The following NIPA1 variants were observed in gnomAD, a reference collection of about 807,000 sequenced individuals.
NIPA1 encodes NIPA magnesium transporter 1.
In NIPA1, 13 loss-of-function variants were observed where a neutral mutation model predicts 23.9. That is an observed-to-expected ratio of 0.54 (90% CI 0.35 to 0.87). The LOEUF (loss-of-function observed/expected upper bound fraction) is 0.87, where lower values mean the gene tolerates loss of function less well. NIPA1 is among the 40% of genes least tolerant of loss of function. The probability of loss-of-function intolerance (pLI) is 0.01; values close to 1 mark genes in which losing one functional copy is unlikely to be tolerated. For missense variants in NIPA1, 362 were observed against 429.7 expected (o/e 0.84, Z 1.39); for synonymous variants, 234 against 202.9 (o/e 1.15, Z -1.30).
intron 2 of NIPA1, 104 bp from the exon 3 acceptor site, chr15:22,812,059 A>G (rs1379868966): frequency 1.1e-6 from 1 of 877,066 alleles, no homozygotes; most frequent in Non-Finnish European, 1.9e-6. Flanking sequence ...AGTAATGTGA[A>G]TGAAGTAGCC....
At chr15:22,799,358 A>G (rs1038664388) in intron 1 of NIPA1, among the ~76,000 whole-genome samples, 2 of 152,196 alleles carry the variant, frequency 1.3e-5, no homozygotes, top group African/African-American at 2.4e-5. Context: ...TGTGGGAGCT[A>G]AACACATAGA....
Position 22,804,224 on chromosome 15 carries a change from C to T in NIPA1, c.179-6525C>T, listed in dbSNP as rs530440256. On this transcript the variant is annotated intron_variant, in intron 1 of 4. Transcript: ENST00000337435. The stretch of plus-strand genomic sequence containing the variant: ...AACCCCTGACCCCAGGTGATTCACC[C>T]ACCTCAGCCTCCCAAAGTGCAAGGA... 8.2e-4 allele frequency among the ~76,000 whole-genome samples: 125 copies of T among 152,162 alleles called. 1 individual carries two copies. The highest frequency in any genetic ancestry group is 1.8e-3 in the Admixed American group (28 of 15,268).
At chr15:22,799,585 A>G (rs896936429) in intron 1 of NIPA1, among the ~76,000 whole-genome samples, 1 of 152,040 alleles carries the variant, frequency 6.6e-6, no homozygotes, top group Non-Finnish European at 1.5e-5. Flanking sequence ...GATCGAGACC[A>G]TCCTGGCTAA....
At chr15:22,813,648 C>T (rs974372068) in intron 3 of NIPA1, 1 of 455,852 alleles carries the variant, frequency 2.2e-6, no homozygotes, top group Non-Finnish European at 4.4e-6. Context: ...TGCCCAAATC[C>T]TTGCAGAGAA....
At chr15:22,823,399 A>G (rs1197567850) in intron 4 of NIPA1, among the ~76,000 whole-genome samples, 4 of 151,734 alleles carry the variant, frequency 2.6e-5, no homozygotes, top group Non-Finnish European at 4.4e-5. Context: ...ACGGGGTTTC[A>G]CCATCTTGGC....
intron 3 of NIPA1, among the ~76,000 whole-genome samples, chr15:22,818,030 G>A (rs62001109): frequency 3.9e-5 from 6 of 152,050 alleles, no homozygotes; most frequent in African/African-American, 9.7e-5. Flanking sequence ...AGATAAATTC[G>A]ATGTCATCAA....
At chr15:22,818,017 A>T (rs563535811) in intron 3 of NIPA1, among the ~76,000 whole-genome samples, 1 of 152,116 alleles carries the variant, frequency 6.6e-6, no homozygotes, top group Non-Finnish European at 1.5e-5. Context: ...ACAGAAGGAA[A>T]ATAGATAAAT....
At position 22,823,906 on chromosome 15, in the gene NIPA1, C is replaced by T. The variant is rs1895596389; in HGVS notation, c.657C>T (p.Asn219=). 1.2e-6 allele frequency: 2 copies of T among 1,614,096 alleles called. No homozygotes were observed. The highest frequency in any genetic ancestry group is 1.7e-5 in the Admixed American group (1 of 60,014). Reference sequence around the variant, plus strand: ...TGGCGGCCCAAGACATCTTGCATAACAACCCGTCCAGTCAGAGAGCCCTCT... The same window carrying T: ...TGGCGGCCCAAGACATCTTGCATAATAACCCGTCCAGTCAGAGAGCCCTCT... ...IGLAAQDILH[N]NPSSQRALCL... is the part of the protein sequence containing the mutation. Residue 219 remains asparagine (N), a synonymous_variant, in exon 5 of 5, where the codon AAC becomes AAT. Transcript: ENST00000337435.
chr15:22,826,087 G>A lies in NIPA1; in HGVS notation c.*1848G>A, dbSNP rs1001325542. The A allele has an allele frequency of 2.0e-5, 3 of 151,112 alleles. No homozygotes were observed. Among genetic ancestry groups the A allele is most frequent in the African/African-American group, 7.3e-5 (3 of 41,064 alleles). 9.4% of individuals were successfully genotyped at this position (151,112 alleles called of 1,614,324 possible). A position where few individuals can be genotyped will look rare whatever the true frequency, so the allele number is the denominator to read the frequency against. ...AAAGTTCCTCAGTAAGAAAAAAAAT[G>A]TGTTTTTGTAGGCAAAAAGAACATT... On this transcript the variant is annotated 3_prime_UTR_variant, in exon 5 of 5. Coordinates refer to ENST00000337435, the MANE Select transcript of NIPA1 (RefSeq NM_144599.5).
chr15:22,789,288 C>CCT (rs1894780658), intron 1 of NIPA1, among the ~76,000 whole-genome samples: 1 of 152,098 alleles, frequency 6.6e-6, no homozygotes, highest in Non-Finnish European at 1.5e-5. Context: ...CAACACTCGG[C>CCT]CTATATTATG....
At chr15:22,798,303 G>C (rs1369128274) in intron 1 of NIPA1, among the ~76,000 whole-genome samples, 1 of 143,160 alleles carries the variant, frequency 7.0e-6, no homozygotes, top group African/African-American at 2.6e-5. Flanking sequence ...GCAGTGGCGC[G>C]ATCTCAGCTC....
upstream of NIPA1, chr15:22,786,346 C>G (rs1485492730): frequency 6.5e-6 from 1 of 152,950 alleles, no homozygotes; most frequent in African/African-American, 2.4e-5. Context: ...GAGGACACCA[C>G]TCAGAAAGTA....
chr15:22,822,360 G>T (rs1895555988), intron 4 of NIPA1, among the ~76,000 whole-genome samples: 1 of 152,078 alleles, frequency 6.6e-6, no homozygotes, highest in African/African-American at 2.4e-5. Context: ...GGGGGTGGGG[G>T]TTGCTGTCTG....
rs191933960 is a variant in NIPA1 at position 22,822,724 on chromosome 15, G to A, written c.479-1004G>A. ...CTTATGTATTCCCAGCTACTCAGGA[G>A]GCTGAAGCAGGAGAATCGCTTGAAC... On this transcript the variant is annotated intron_variant, in intron 4 of 4. Transcript: ENST00000337435. 2.6e-3 allele frequency among the ~76,000 whole-genome samples: 393 copies of A among 151,954 alleles called. 7 individuals are homozygous for A. The highest frequency in any genetic ancestry group is 0.024 in the Admixed American group (360 of 15,262).
chr15:22,802,820 G>A (rs1463282117), intron 1 of NIPA1, among the ~76,000 whole-genome samples: 7 of 145,586 alleles, frequency 4.8e-5, no homozygotes, highest in South Asian at 4.3e-4. Context: ...ATTCTCTTAC[G>A]TCTGCTTTTG....
intron 1 of NIPA1, among the ~76,000 whole-genome samples, chr15:22,800,224 C>T (rs1293899389): frequency 6.6e-6 from 1 of 152,066 alleles, no homozygotes; most frequent in African/African-American, 2.4e-5. Context: ...TACCCCAGTG[C>T]CAACCCCACC....
rs575228704 is a variant in NIPA1, at chr15:22,827,777, C to T, written c.*3538C>T. 2 of 152,218 alleles carry T rather than the reference C, an allele frequency of 1.3e-5. No individual in the cohort carries two copies. The highest frequency in any genetic ancestry group is 6.5e-5 in the Admixed American group (1 of 15,288). 9.4% of individuals were successfully genotyped at this position (152,218 alleles called of 1,614,324 possible). ...TCTTTGTAAATGTTGTGCTCAACTT[C>T]TAGGGGCCAGTTCTAGACTTTGGAG... On this transcript the variant is annotated 3_prime_UTR_variant, in exon 5 of 5. Coordinates refer to ENST00000337435, the MANE Select transcript of NIPA1 (RefSeq NM_144599.5).
At chr15:22,796,971 A>C (rs555980542) in intron 1 of NIPA1, among the ~76,000 whole-genome samples, 9 of 152,248 alleles carry the variant, frequency 5.9e-5, no homozygotes, top group Admixed American at 5.9e-4. Context: ...GAAAGTACAG[A>C]AAATGGTGGT....
chr15:22,810,883 G>A, intron 2 of NIPA1, 87 bp downstream of exon 2: 1 of 1,048,198 alleles, frequency 9.5e-7, no homozygotes, highest in East Asian at 2.4e-5. Context: ...CTGGGCTAGG[G>A]TGGCTCTGTT....
Sources: allele counts gnomAD v4.1 joint callset (sites outside exome capture counted in the v4.1 genomes callset), GRCh38; gene constraint gnomAD v4.1.1; transcripts MANE v1.5; gene names NCBI Gene and HGNC (gene_info 2026-07-23, HGNC 2026-07-21).